The following ATP10B variants were observed in gnomAD, a reference collection of about 807,000 sequenced individuals.
ATP10B encodes ATPase phospholipid transporting 10B (putative), also known as phospholipid-transporting ATPase VB.
In ATP10B, 122 loss-of-function variants were observed where a neutral mutation model predicts 141.2. The observed-to-expected ratio is 0.86, with a 90% CI of 0.75 to 1.00. The LOEUF is 1.00. ATP10B is among the 50% of genes least tolerant of loss of function. The pLI, the probability that ATP10B is intolerant of heterozygous loss-of-function variation, is 0.00. For synonymous variants in ATP10B, 685 were observed against 692.0 expected (o/e 0.99, Z 0.16); for missense variants, 1,876 against 1,825.3 (o/e 1.03, Z -0.51).
chr5:160,615,987 T>C, intron 16 of ATP10B, 23 bp from the exon 17 acceptor site: 2 of 1,605,422 alleles, frequency 1.2e-6, no homozygotes, highest in Non-Finnish European at 8.5e-7. Context: ...AAAAGGCTCC[T>C]TAACAATCTT....
intron 3 of ATP10B, among the ~76,000 whole-genome samples, chr5:160,709,325 G>A (rs1765213482): frequency 6.6e-6 from 1 of 152,126 alleles, no homozygotes; most frequent in Admixed American, 6.6e-5. Context: ...GGAGATGTTT[G>A]TAACATTATT....
At chr5:160,592,459 C>G (rs1756374817) in intron 22 of ATP10B, among the ~76,000 whole-genome samples, 1 of 152,170 alleles carries the variant, frequency 6.6e-6, no homozygotes, top group Admixed American at 6.5e-5. Context: ...AGGAACAGCT[C>G]TGGTCTACAG....
intron 3 of ATP10B, among the ~76,000 whole-genome samples, chr5:160,708,084 A>G (rs767940758): frequency 4.6e-5 from 7 of 152,152 alleles, no homozygotes; most frequent in Non-Finnish European, 7.4e-5. Flanking sequence ...ACCACTGGGC[A>G]TTGCTTTTTA....
the ATP10B span, among the ~76,000 whole-genome samples, chr5:160,894,958 T>A: frequency 2.0e-5 from 3 of 152,130 alleles, no homozygotes; most frequent in Non-Finnish European, 2.9e-5. Flanking sequence ...CAAACTAAGC[T>A]TCATAAGTGA....
chr5:160,600,496 G>C (rs142702385), intron 21 of ATP10B, among the ~76,000 whole-genome samples: 297 of 152,268 alleles, frequency 2.0e-3, no homozygotes, highest in African/African-American at 6.7e-3. Context: ...GGCCATGATT[G>C]GCTTGATTCC....
intron 2 of ATP10B, among the ~76,000 whole-genome samples, chr5:160,731,217 C>T (rs1277560346): frequency 1.3e-5 from 2 of 152,090 alleles, no homozygotes; most frequent in African/African-American, 4.8e-5. Context: ...GCCTTGTTTG[C>T]CGTTTGTGAG....
chr5:160,901,233 C>T, the ATP10B span, among the ~76,000 whole-genome samples: 61 of 152,250 alleles, frequency 4.0e-4, no homozygotes, highest in African/African-American at 1.4e-3. Context: ...CTCTTTTCTT[C>T]TTCTTCTGGG....
At chr5:160,714,859 T>C (rs991329295) in intron 3 of ATP10B, among the ~76,000 whole-genome samples, 5 of 147,796 alleles carry the variant, frequency 3.4e-5, no homozygotes, top group Admixed American at 6.7e-5. Context: ...TGCAGGTCTG[T>C]TGGAATACCC....
intron 2 of ATP10B, among the ~76,000 whole-genome samples, chr5:160,737,457 C>A (rs978762759): frequency 1.1e-4 from 17 of 152,042 alleles, no homozygotes; most frequent in Non-Finnish European, 2.9e-5. Context: ...ATGGAAGAAG[C>A]TAAATTACTT....
chr5:160,841,708 T>C (rs924128323), intron 1 of ATP10B, among the ~76,000 whole-genome samples: 7 of 152,190 alleles, frequency 4.6e-5, no homozygotes, highest in African/African-American at 1.4e-4. Flanking sequence ...TAGTTTTACA[T>C]AGGATTTCTT....
chr5:160,637,171 T>C (rs969221922), intron 10 of ATP10B, among the ~76,000 whole-genome samples: 2 of 151,504 alleles, frequency 1.3e-5, no homozygotes, highest in Non-Finnish European at 2.9e-5. Context: ...CATTTATCCT[T>C]CTATTCATCA....
At chr5:160,653,606 CATATATACATATATATTATATATACATAT>C (rs1223914331) in intron 7 of ATP10B, among the ~76,000 whole-genome samples, 1 of 37,068 alleles carries the variant, frequency 2.7e-5, no homozygotes, top group Non-Finnish European at 8.6e-5. Flanking sequence ...TACATATATA[CATATATACATATATATTATATATACATAT>C]ATACATATAT....
At chr5:160,627,638 A>G (rs964391504) in intron 13 of ATP10B, among the ~76,000 whole-genome samples, 3 of 152,218 alleles carry the variant, frequency 2.0e-5, no homozygotes, top group Admixed American at 6.5e-5. Context: ...AAACACATAT[A>G]TAAACAGATG....
At chr5:160,881,104 G>C in the ATP10B span, among the ~76,000 whole-genome samples, 1 of 152,264 alleles carries the variant, frequency 6.6e-6, no homozygotes, top group East Asian at 1.9e-4. Context: ...AAGCAAGCAA[G>C]CCATTTAACA....
At chr5:160,858,731 G>T in the ATP10B span, among the ~76,000 whole-genome samples, 1 of 151,698 alleles carries the variant, frequency 6.6e-6, no homozygotes, top group African/African-American at 2.4e-5. Flanking sequence ...GCATTTTTGA[G>T]TATATCTCTT....
intron 24 of ATP10B, among the ~76,000 whole-genome samples, chr5:160,585,189 G>C (rs1210941859): frequency 6.6e-6 from 1 of 152,062 alleles, no homozygotes; most frequent in East Asian, 1.9e-4. Flanking sequence ...TATCATTCTG[G>C]ATAAGCTCCC....
intron 23 of ATP10B, among the ~76,000 whole-genome samples, chr5:160,590,373 T>C (rs151174142): frequency 0.016 from 2,373 of 152,276 alleles, 28 homozygotes; most frequent in Middle Eastern, 0.075. Flanking sequence ...ATCATCTTGC[T>C]AATTATGAAA....
At chr5:160,898,407 CT>C in the ATP10B span, among the ~76,000 whole-genome samples, 1 of 152,208 alleles carries the variant, frequency 6.6e-6, no homozygotes, top group South Asian at 2.1e-4. Context: ...CTCATAATCA[CT>C]GGTCATTAGA....
intron 15 of ATP10B, 125 bp from the exon 16 acceptor site, chr5:160,618,098 C>T: frequency 1.3e-6 from 1 of 756,720 alleles, no homozygotes; most frequent in South Asian, 1.6e-5. Flanking sequence ...TTACAGCCCA[C>T]CTTAGAAACC....
Sources: allele counts gnomAD v4.1 joint callset (sites outside exome capture counted in the v4.1 genomes callset), GRCh38; gene constraint gnomAD v4.1.1; transcripts MANE v1.5; gene names NCBI Gene and HGNC (gene_info 2026-07-23, HGNC 2026-07-21).